Variants in SERPINB10 observed in about 807,000 individuals in gnomAD.
SERPINB10 encodes serpin family B member 10, also known as serpin B10.
In SERPINB10, 35 loss-of-function variants were observed where a neutral mutation model predicts 39.1. The ratio of observed to expected loss-of-function variants is 0.90; its 90% CI spans 0.68 to 1.19. The LOEUF (loss-of-function observed/expected upper bound fraction) is 1.19, where lower values mean the gene tolerates loss of function less well. SERPINB10 is among the 50% of genes most tolerant of loss of function. The pLI, the probability that SERPINB10 is intolerant of heterozygous loss-of-function variation, is 0.00. For missense variants in SERPINB10, 546 were observed against 460.5 expected (o/e 1.19, Z -1.70); for synonymous variants, 190 against 158.1 (o/e 1.20, Z -1.52).
chr18:63,919,119 G>C (rs779270423), intron 4 of SERPINB10, among the ~76,000 whole-genome samples: 1 of 151,884 alleles, frequency 6.6e-6, no homozygotes, highest in Non-Finnish European at 1.5e-5. Flanking sequence ...ACAATGTCTT[G>C]AAGAATAAAT....
intron 5 of SERPINB10, among the ~76,000 whole-genome samples, chr18:63,925,186 A>T (rs1258278204): frequency 6.6e-6 from 1 of 152,044 alleles, no homozygotes; most frequent in Non-Finnish European, 1.5e-5. Context: ...AAGTGAAAGT[A>T]TCAATATGAC....
In SERPINB10 at chr18:63,915,630, C is replaced by A; in HGVS notation, c.120C>A (p.Thr40=). 6.2e-7 allele frequency: 1 copy of A among 1,612,492 alleles called. No homozygotes were observed. Among genetic ancestry groups the A allele is most frequent in the South Asian group, 1.1e-5 (1 of 90,986 alleles). ...FSSWSISTSL[T]IVYLGAKGTT... ...CCTGGAGCATCTCAACTTCCTTGAC[C>A]ATAGTGTATTTGGGCGCCAAAGGTA... Residue 40 remains threonine (T), a synonymous_variant, in exon 2 of 8, where the codon ACC becomes ACA. Transcript: ENST00000238508.
chr18:63,930,931 C>T (rs2144738314), intron 6 of SERPINB10, among the ~76,000 whole-genome samples: 2 of 152,248 alleles, frequency 1.3e-5, no homozygotes, highest in East Asian at 3.9e-4. Flanking sequence ...AGGCCACAAA[C>T]AGTGCTGCTG....
rs1336609705 is a variant in SERPINB10 at position 63,908,022 on chromosome 18, T to C, written c.-28T>C. On this transcript the variant is annotated 5_prime_UTR_variant, in exon 1 of 8. Transcript: ENST00000238508. ...TACAGGAGCAAATTGCCAATTCTGC[T>C]CCAGTGGGAGAAAACAAGGTATTGT... 2.9e-6 allele frequency: 1 copy of C among 345,148 alleles called. No individual in the cohort carries two copies. Among genetic ancestry groups the C allele is most frequent in the Non-Finnish European group, 6.0e-6 (1 of 166,770 alleles). 21.4% of individuals were successfully genotyped at this position (345,148 alleles called of 1,614,324 possible). A position where few individuals can be genotyped will look rare whatever the true frequency, so the allele number is the denominator to read the frequency against.
At chr18:63,919,364 A>T (rs1387287071) in intron 4 of SERPINB10, among the ~76,000 whole-genome samples, 1 of 151,822 alleles carries the variant, frequency 6.6e-6, no homozygotes, top group Non-Finnish European at 1.5e-5. Flanking sequence ...AATCCACAGA[A>T]GGAAGCTACC....
intron 5 of SERPINB10, among the ~76,000 whole-genome samples, chr18:63,926,996 ACTT>A (rs1206797172): frequency 6.6e-6 from 1 of 151,854 alleles, no homozygotes; most frequent in African/African-American, 2.4e-5. Flanking sequence ...ACCTAAAAGA[ACTT>A]CTTATTAGTT....
chr18:63,931,296 G>T (rs1015645746), intron 6 of SERPINB10, among the ~76,000 whole-genome samples: 13 of 152,000 alleles, frequency 8.6e-5, no homozygotes, highest in Admixed American at 7.9e-4. Context: ...AATGATCAGG[G>T]AATATGGTTG....
chr18:63,916,668 G>A (rs1468601951), intron 2 of SERPINB10, among the ~76,000 whole-genome samples: 3 of 152,042 alleles, frequency 2.0e-5, no homozygotes, highest in Admixed American at 6.6e-5. Context: ...AATCTTAAGT[G>A]GATTCCAATG....
At chr18:63,918,319 A>C (rs1312476892) in intron 4 of SERPINB10, among the ~76,000 whole-genome samples, 1 of 152,058 alleles carries the variant, frequency 6.6e-6, no homozygotes, top group Admixed American at 6.6e-5. Flanking sequence ...ATTTCTGTCT[A>C]GAATAAAGAG....
intron 6 of SERPINB10, 87 bp from the exon 7 acceptor site, chr18:63,932,961 G>A: frequency 8.0e-7 from 1 of 1,246,988 alleles, no homozygotes; most frequent in South Asian, 1.4e-5. Context: ...CCAACTGAGA[G>A]CCAATGATGG....
chr18:63,918,541 C>A (rs1417437698), intron 4 of SERPINB10, among the ~76,000 whole-genome samples: 1 of 152,018 alleles, frequency 6.6e-6, no homozygotes, highest in Non-Finnish European at 1.5e-5. Flanking sequence ...ACTCTGTCCT[C>A]TGTTAAGAGG....
intron 1 of SERPINB10, among the ~76,000 whole-genome samples, chr18:63,913,957 G>A (rs970508265): frequency 6.8e-3 from 16 of 2,336 alleles, no homozygotes; most frequent in African/African-American, 0.027. Context: ...GTGCATATAC[G>A]TTTAGTATAG....
chr18:63,935,733 C>T lies in SERPINB10; in HGVS notation c.*491C>T, dbSNP rs1315450789. The T allele has an allele frequency of 6.5e-6, 1 of 153,500 alleles. No individual in the cohort carries two copies. Among genetic ancestry groups the T allele is most frequent in the Non-Finnish European group, 1.4e-5 (1 of 69,106 alleles). 9.5% of individuals were successfully genotyped at this position (153,500 alleles called of 1,614,324 possible). ...GCTGAGGTAGGAGGATTGCTTGAGC[C>T]CAGGAGGTTGAGACTGCAGTGAGCC... is the stretch of plus-strand genomic sequence containing the variant. On this transcript the variant is annotated 3_prime_UTR_variant, in exon 8 of 8. Coordinates refer to ENST00000238508, the MANE Select transcript of SERPINB10 (RefSeq NM_005024.3).
rs150491161 is a variant in SERPINB10, at chr18:63,919,696, C to A, written c.373-92C>A. The A allele has an allele frequency of 2.3e-3, 1,888 of 827,426 alleles. 9 individuals carry two copies. The highest frequency in any genetic ancestry group is 3.7e-3 in the South Asian group (225 of 61,620). 51.3% of individuals were successfully genotyped at this position (827,426 alleles called of 1,614,324 possible). On this transcript the variant is annotated intron_variant, in intron 4 of 7. Transcript: ENST00000238508. ...GATGGTGTGGGAGTGTGCAATTGCCCGCCTACCTAGTTCTTTTGATAATCT... is the reference window on the plus strand; with the variant it reads ...GATGGTGTGGGAGTGTGCAATTGCCAGCCTACCTAGTTCTTTTGATAATCT...
chr18:63,936,033 T>A lies in SERPINB10; in HGVS notation c.*791T>A, dbSNP rs921176616. On this transcript the variant is annotated 3_prime_UTR_variant, in exon 8 of 8. Coordinates refer to ENST00000238508, the MANE Select transcript of SERPINB10 (RefSeq NM_005024.3). The stretch of plus-strand genomic sequence containing the variant: ...CACTTGGGGAAACTGTACTGGAGTA[T>A]ATGAGAATTAGCTGTATTATCTCTG... 14 of 152,192 alleles carry A rather than the reference T, an allele frequency of 9.2e-5. No individual in the cohort carries two copies. The highest frequency in any genetic ancestry group is 1.9e-4 in the Non-Finnish European group (13 of 68,024). 9.4% of individuals were successfully genotyped at this position (152,192 alleles called of 1,614,324 possible).
rs764668923 is a variant in SERPINB10 at position 63,915,644 on chromosome 18, G to A, written c.134G>A (p.Gly45Asp). Residue 45 changes from glycine to aspartate, a missense_variant, in exon 2 of 8, where the codon GGC (glycine) becomes GAC (aspartate). Gly to Asp is a moderately conservative substitution (Grantham distance 94, BLOSUM62 -1). Transcript: ENST00000238508. Reference sequence around the variant, plus strand: ...ACTTCCTTGACCATAGTGTATTTGGGCGCCAAAGGTACCACTGCAGCCCAA... The same window carrying A: ...ACTTCCTTGACCATAGTGTATTTGGACGCCAAAGGTACCACTGCAGCCCAA... Reference protein sequence around the residue: ...ISTSLTIVYLGAKGTTAAQMA... With the variant: ...ISTSLTIVYLDAKGTTAAQMA... The A allele has an allele frequency of 1.2e-6, 2 of 1,611,750 alleles. No homozygotes were observed. The highest frequency in any genetic ancestry group is 3.3e-4 in the Middle Eastern group (2 of 6,036).
intron 5 of SERPINB10, among the ~76,000 whole-genome samples, chr18:63,921,550 C>T (rs1415594482): frequency 1.3e-5 from 2 of 151,908 alleles, no homozygotes; most frequent in East Asian, 3.9e-4. Flanking sequence ...TCTTTCTTCG[C>T]TATCTTTTAT....
At chr18:63,917,566 T>C in intron 3 of SERPINB10, 45 bp downstream of exon 3, 3 of 1,126,526 alleles carry the variant, frequency 2.7e-6, no homozygotes, top group Non-Finnish European at 3.7e-6. Flanking sequence ...AAGGAAAAAG[T>C]ACTTTTAGCA....
At chr18:63,918,158 A>T in intron 4 of SERPINB10, 56 bp downstream of exon 4, 1 of 1,569,864 alleles carries the variant, frequency 6.4e-7, no homozygotes, top group African/African-American at 1.4e-5. Context: ...ATGTGAGACC[A>T]ATCAGTAAAC....
Sources: gnomAD v4.1 joint callset for allele counts (sites outside exome capture counted in the v4.1 genomes callset) on GRCh38, gnomAD v4.1.1 for gene constraint, MANE v1.5 for transcripts, NCBI Gene and HGNC (gene_info 2026-07-23, HGNC 2026-07-21) for gene names.